SYNJ1: variants seen among roughly 807,000 people sequenced by gnomAD.
The protein encoded by SYNJ1 is polyphosphatidylinositol phosphatase SYNJ1.
SYNJ1 carries 78 observed loss-of-function variants against 168.2 expected under a neutral mutation model. That is an observed-to-expected ratio of 0.46 (90% confidence interval 0.39 to 0.56). The LOEUF is 0.56. Ranked by LOEUF, SYNJ1 falls within the 20% of genes least tolerant of loss-of-function variation. The pLI is 0.00. For synonymous variants in SYNJ1, 539 were observed against 548.6 expected (o/e 0.98, Z 0.24); for missense variants, 1,303 against 1,597.6 (o/e 0.82, Z 3.14).
At chr21:32,660,210 C>G (rs2145877341) in intron 18 of SYNJ1, among the ~76,000 whole-genome samples, 1 of 152,358 alleles carries the variant, frequency 6.6e-6, no homozygotes, top group East Asian at 1.9e-4. Flanking sequence ...AAGGCTGGCC[C>G]CCATGTCTAA....
At chr21:32,665,621 A>G (rs2040895448) in intron 17 of SYNJ1, among the ~76,000 whole-genome samples, 1 of 152,196 alleles carries the variant, frequency 6.6e-6, no homozygotes, top group Non-Finnish European at 1.5e-5. Flanking sequence ...AGTGTACATC[A>G]TACACATACT....
intron 18 of SYNJ1, among the ~76,000 whole-genome samples, chr21:32,661,412 T>G (rs2040696342): frequency 6.6e-6 from 1 of 152,178 alleles, no homozygotes; most frequent in South Asian, 2.1e-4. Context: ...TATTTGCTGG[T>G]TCTTGTGTGT....
intron 4 of SYNJ1, among the ~76,000 whole-genome samples, chr21:32,696,955 A>G (rs972659067): frequency 5.3e-5 from 8 of 152,250 alleles, no homozygotes; most frequent in Non-Finnish European, 1.2e-4. Flanking sequence ...CATTGATCTG[A>G]GGCAAAGTTC....
rs1455320919 is a variant in SYNJ1 at position 32,727,994 on chromosome 21, C to T, written c.-71G>A. 1 of 1,536,024 alleles carries T rather than the reference C, an allele frequency of 6.5e-7. No homozygotes were observed. Among genetic ancestry groups the T allele is most frequent in the Admixed American group, 2.0e-5 (1 of 50,960 alleles). Reference sequence around the variant, plus strand: ...CCTTCTCCCGCAGCCGCCGCCACAGCCGCCGGGAGCGTCACTTCCGCTCCA... The same window carrying T: ...CCTTCTCCCGCAGCCGCCGCCACAGTCGCCGGGAGCGTCACTTCCGCTCCA... On this transcript the variant is annotated 5_prime_UTR_variant, in exon 1 of 33. Transcript: ENST00000674351.
chr21:32,641,559 G>A (rs2039837275), intron 29 of SYNJ1, among the ~76,000 whole-genome samples: 1 of 151,872 alleles, frequency 6.6e-6, no homozygotes, highest in Admixed American at 6.6e-5. Flanking sequence ...TTTAATGAAG[G>A]ATTACTTTAT....
chr21:32,666,344 T>C (rs2040931786), intron 16 of SYNJ1, 89 bp downstream of exon 16: 3 of 1,530,674 alleles, frequency 2.0e-6, no homozygotes, highest in Non-Finnish European at 2.6e-6. Flanking sequence ...TAGTTTTTGT[T>C]TGAAGAACTG....
intron 22 of SYNJ1, 141 bp from the exon 23 acceptor site, chr21:32,650,487 C>A: frequency 1.5e-6 from 1 of 666,652 alleles, no homozygotes; most frequent in East Asian, 3.2e-5. Flanking sequence ...AGAAATAGTT[C>A]TTTCACATAT....
At chr21:32,642,282 G>A (rs2039875272) in intron 27 of SYNJ1, 149 bp from the exon 28 acceptor site, 2 of 794,784 alleles carry the variant, frequency 2.5e-6, no homozygotes, top group South Asian at 1.6e-5. Context: ...GTATAATGAT[G>A]AAGGGTATTA....
At position 32,666,729 on chromosome 21, in the gene SYNJ1, A is replaced by G. The variant is rs149051167; in HGVS notation, c.1812-156T>C. On this transcript the variant is annotated intron_variant, in intron 15 of 32. Transcript: ENST00000674351. ...TTTCCTTTAAAAAGGAAAATCTACA[A>G]TTTAGCCAAAAGAAAACCACATTTC... Among the ~76,000 whole-genome samples, 379 of 152,354 alleles carry G rather than the reference A, an allele frequency of 2.5e-3. 1 individual carries two copies. Among genetic ancestry groups the G allele is most frequent in the Non-Finnish European group, 3.8e-3 (259 of 68,030 alleles).
chr21:32,721,975 C>T (rs1231695694), intron 2 of SYNJ1, among the ~76,000 whole-genome samples: 2 of 151,440 alleles, frequency 1.3e-5, no homozygotes, highest in African/African-American at 4.8e-5. Context: ...CACCTGAGGT[C>T]GGGAGTTCAA....
At chr21:32,646,798 T>C (rs1222856452) in intron 23 of SYNJ1, among the ~76,000 whole-genome samples, 196 bp from the exon 24 acceptor site, 1 of 152,208 alleles carries the variant, frequency 6.6e-6, no homozygotes, top group Non-Finnish European at 1.5e-5. Context: ...GATGTAAAGG[T>C]ATCTATTGTC....
chr21:32,677,379 AACAAGCGTT>A (rs1393882473), intron 12 of SYNJ1, among the ~76,000 whole-genome samples: 1 of 152,200 alleles, frequency 6.6e-6, no homozygotes, highest in East Asian at 1.9e-4. Context: ...CCATTCTCAG[AACAAGCGTT>A]ACAGCAGAAC....
chr21:32,726,261 T>C (rs1268015957), intron 2 of SYNJ1, among the ~76,000 whole-genome samples: 2 of 152,238 alleles, frequency 1.3e-5, no homozygotes, highest in South Asian at 4.1e-4. Context: ...TTCTTTAAAT[T>C]AGACTATCAA....
At chr21:32,653,635 C>T (rs2040355795) in intron 21 of SYNJ1, 1 of 307,910 alleles carries the variant, frequency 3.2e-6, no homozygotes, top group Non-Finnish European at 6.1e-6. Context: ...TAATCCAGTC[C>T]CATCCAATCC....
chr21:32,666,022 T>C lies in SYNJ1; in HGVS notation c.2066A>G (p.His689Arg). 2 of 1,614,098 alleles carry C rather than the reference T, an allele frequency of 1.2e-6. No individual in the cohort carries two copies. Among genetic ancestry groups the C allele is most frequent in the Non-Finnish European group, 1.7e-6 (2 of 1,180,002 alleles). The change falls in exon 17 of 33, where the codon CAC becomes CGC. Residue 689 changes from histidine to arginine, a missense_variant. This residue lies in a region of SYNJ1 where 920 missense variants were observed against 1,208.8 expected (regional missense o/e 0.76). Transcript: ENST00000674351. ...HTTSLCFVCS[H>R]FAAGQSQVKE... ...GACTTGTGACTGCCCTGCAGCAAAG[T>C]GGCTACAGACGAAGCAAAGGCTGGT... is the stretch of plus-strand genomic sequence containing the variant.
At chr21:32,662,511 C>T (rs1601331935) in intron 18 of SYNJ1, among the ~76,000 whole-genome samples, 1 of 152,102 alleles carries the variant, frequency 6.6e-6, no homozygotes, top group South Asian at 2.1e-4. Context: ...CCCAGGTCCA[C>T]AGTTTTTGAA....
At chr21:32,697,209 C>G (rs2042242464) in intron 4 of SYNJ1, among the ~76,000 whole-genome samples, 1 of 152,108 alleles carries the variant, frequency 6.6e-6, no homozygotes, top group African/African-American at 2.4e-5. Context: ...TGGAGTAAAG[C>G]TATCTGGGCT....
chr21:32,659,750 G>T (rs1490472924), intron 18 of SYNJ1, among the ~76,000 whole-genome samples: 5 of 152,192 alleles, frequency 3.3e-5, no homozygotes. Context: ...GTCTGCCGAT[G>T]CTCCCAGCTG....
At chr21:32,665,219 A>C in intron 17 of SYNJ1, 148 bp from the exon 18 acceptor site, 1 of 779,050 alleles carries the variant, frequency 1.3e-6, no homozygotes, top group Non-Finnish European at 1.9e-6. Context: ...ACGAAAATAA[A>C]TCTCAGGACC....
Sources: allele counts gnomAD v4.1 joint callset (sites outside exome capture counted in the v4.1 genomes callset), GRCh38; gene constraint gnomAD v4.1.1; regional missense constraint gnomAD v4.1.1; transcripts MANE v1.5; gene names NCBI Gene and HGNC (gene_info 2026-07-23, HGNC 2026-07-21).